HSPA12A: variants seen among roughly 807,000 people sequenced by gnomAD.
The protein encoded by HSPA12A is heat shock 70 kDa protein 12A.
HSPA12A carries 28 observed loss-of-function variants against 69.2 expected under a neutral mutation model. The observed-to-expected ratio is 0.40, with a 90% confidence interval of 0.30 to 0.55. HSPA12A has a LOEUF of 0.55. HSPA12A is among the 20% of genes least tolerant of loss of function. The probability of loss-of-function intolerance (pLI) is 0.38; values close to 1 mark genes in which losing one functional copy is unlikely to be tolerated. For synonymous variants in HSPA12A, 345 were observed against 370.5 expected (o/e 0.93, Z 0.79); for missense variants, 686 against 900.7 (o/e 0.76, Z 3.05).
At chr10:116,751,168 C>T in intron 2 of HSPA12A, 1 of 228,822 alleles carries the variant, frequency 4.4e-6, no homozygotes, top group Non-Finnish European at 9.3e-6. Flanking sequence ...GTGACAATGG[C>T]AAAACTGTCC....
intron 2 of HSPA12A, among the ~76,000 whole-genome samples, chr10:116,748,927 C>A (rs1478638224): frequency 6.6e-6 from 1 of 152,130 alleles, no homozygotes; most frequent in East Asian, 1.9e-4. Flanking sequence ...CCTGTGGGAG[C>A]TGGGACCAGT....
chr10:116,702,519 G>A (rs557587468), intron 3 of HSPA12A, among the ~76,000 whole-genome samples: 14 of 152,104 alleles, frequency 9.2e-5, no homozygotes, highest in Admixed American at 2.6e-4. Flanking sequence ...AATCATCCCT[G>A]GTCAATTTCC....
At chr10:116,806,455 C>T (rs1845069798) in intron 2 of HSPA12A, among the ~76,000 whole-genome samples, 1 of 152,152 alleles carries the variant, frequency 6.6e-6, no homozygotes, top group African/African-American at 2.4e-5. Flanking sequence ...AGTCTACCCA[C>T]CTCGGCCTCC....
chr10:116,742,128 G>T (rs1178829874), intron 1 of HSPA12A, among the ~76,000 whole-genome samples: 5 of 151,966 alleles, frequency 3.3e-5, no homozygotes, highest in Non-Finnish European at 7.4e-5. Context: ...GACCAGCCCC[G>T]CAGGAGGCGC....
intron 2 of HSPA12A, among the ~76,000 whole-genome samples, chr10:116,771,974 C>T (rs139388543): frequency 1.6e-4 from 25 of 152,300 alleles, no homozygotes; most frequent in Non-Finnish European, 2.9e-4. Context: ...ACAGTCCCCA[C>T]CGTATTTCCC....
At chr10:116,746,993 A>G (rs1299278924), upstream of HSPA12A, among the ~76,000 whole-genome samples, 1 of 152,226 alleles carries the variant, frequency 6.6e-6, no homozygotes, top group Non-Finnish European at 1.5e-5. Context: ...CAAGATTCAG[A>G]TTTGCTAAAG....
At chr10:116,717,294 C>T (rs1554883879) in intron 1 of HSPA12A, among the ~76,000 whole-genome samples, 1 of 152,180 alleles carries the variant, frequency 6.6e-6, no homozygotes, top group Admixed American at 6.5e-5. Flanking sequence ...TCATCTCTAA[C>T]TACGAGACAG....
chr10:116,789,473 A>AT (rs1844654450), intron 2 of HSPA12A, among the ~76,000 whole-genome samples: 1 of 152,040 alleles, frequency 6.6e-6, no homozygotes, highest in Non-Finnish European at 1.5e-5. Context: ...CCCTTATAAG[A>AT]TTTTTTAAAA....
rs782434718 is a variant in HSPA12A at position 116,700,934 on chromosome 10, C to A, written c.441+9G>T. 1.2e-6 allele frequency: 2 copies of A among 1,612,200 alleles called. No individual in the cohort carries two copies. ...GGGGGACCTGGGCCCAGGGGAGAGG[C>A]TTGCTCACCCCAGTGGTGTGCAGCT... On this transcript the variant is annotated intron_variant, in intron 4 of 11. Transcript: ENST00000369209.
At chr10:116,729,204 C>A (rs1638421) in intron 1 of HSPA12A, among the ~76,000 whole-genome samples, 9 of 152,002 alleles carry the variant, frequency 5.9e-5, no homozygotes, top group African/African-American at 1.9e-4. Context: ...ATGAGGAGCA[C>A]GCCGGGAAGG....
intron 2 of HSPA12A, among the ~76,000 whole-genome samples, chr10:116,793,595 A>G (rs1844748395): frequency 1.3e-5 from 2 of 151,876 alleles, no homozygotes; most frequent in African/African-American, 2.4e-5. Context: ...AACAAACAAA[A>G]AAAACCCACA....
chr10:116,693,410 T>C (rs12263233), intron 5 of HSPA12A, among the ~76,000 whole-genome samples: 26,891 of 152,164 alleles, frequency 0.18, 2,714 homozygotes, highest in South Asian at 0.34. Context: ...ATCTGCGCAA[T>C]GGAGATCATA....
rs782450141 is a variant in HSPA12A at position 116,681,104 on chromosome 10, G to T, written c.1027+48C>A. On this transcript the variant is annotated intron_variant, in intron 9 of 11. Coordinates refer to ENST00000369209, the MANE Select transcript of HSPA12A (RefSeq NM_025015.3). Reference sequence around the variant, plus strand: ...ATCTGAAACAAGTGAAAACAGAACTGCCTGGAATTGGCTCAGGAATAAGAA... The same window carrying T: ...ATCTGAAACAAGTGAAAACAGAACTTCCTGGAATTGGCTCAGGAATAAGAA... 7 of 1,270,572 alleles carry T rather than the reference G, an allele frequency of 5.5e-6. No homozygotes were observed. In the South Asian group the frequency reaches 7.2e-5, roughly 13 times the overall value. The allele number at this position is 1,270,572 out of a possible 1,614,324, so 78.7% of individuals were successfully genotyped here. A position where few individuals can be genotyped will look rare whatever the true frequency, so the allele number is the denominator to read the frequency against.
At chr10:116,689,273 G>A (rs1250230891) in intron 6 of HSPA12A, among the ~76,000 whole-genome samples, 1 of 151,878 alleles carries the variant, frequency 6.6e-6, no homozygotes, top group Non-Finnish European at 1.5e-5. Context: ...GGAGGCCTTT[G>A]ATAAGCCTGA....
intron 2 of HSPA12A, among the ~76,000 whole-genome samples, chr10:116,816,481 C>A (rs1845306315): frequency 6.6e-6 from 1 of 152,220 alleles, no homozygotes; most frequent in Non-Finnish European, 1.5e-5. Context: ...GCAGCTCTAA[C>A]TCCAAACTTC....
At chr10:116,837,335 G>A (rs1029423623) in intron 1 of HSPA12A, among the ~76,000 whole-genome samples, 26 of 152,154 alleles carry the variant, frequency 1.7e-4, no homozygotes, top group African/African-American at 6.0e-4. Context: ...CTTACGACAC[G>A]CCATGCTGCC....
chr10:116,834,387 C>A (rs1845673400), intron 2 of HSPA12A, among the ~76,000 whole-genome samples: 1 of 152,176 alleles, frequency 6.6e-6, no homozygotes, highest in Admixed American at 6.5e-5. Flanking sequence ...ATCTCCCCCT[C>A]CCTTTCTCAG....
In HSPA12A at chr10:116,798,871, T is replaced by C. The variant is rs1844894290; in HGVS notation, c.91+36064A>G. ...GTCTTGGAATAAAATCTAATCCCCCTGTGAACTGACCTTGAACCAATGGTC... is the reference window on the plus strand; with the variant it reads ...GTCTTGGAATAAAATCTAATCCCCCCGTGAACTGACCTTGAACCAATGGTC... On this transcript the variant is annotated intron_variant, in intron 2 of 12. Coordinates refer to the HSPA12A transcript ENST00000635765. 2.0e-5 allele frequency among the ~76,000 whole-genome samples: 3 copies of C among 152,084 alleles called. No individual in the cohort carries two copies. In the South Asian group the frequency reaches 6.2e-4, roughly 31 times the overall value.
intron 2 of HSPA12A, among the ~76,000 whole-genome samples, chr10:116,791,504 T>A (rs1467479329): frequency 6.6e-6 from 1 of 152,178 alleles, no homozygotes; most frequent in African/African-American, 2.4e-5. Flanking sequence ...CAATTGCAAT[T>A]CAGAAGAAGA....
Sources: gnomAD v4.1 joint callset for allele counts (sites outside exome capture counted in the v4.1 genomes callset) on GRCh38, gnomAD v4.1.1 for gene constraint, MANE v1.5 for transcripts, NCBI Gene and HGNC (gene_info 2026-07-23, HGNC 2026-07-21) for gene names.